LSAMP: variants seen among roughly 807,000 people sequenced by gnomAD.
LSAMP encodes the protein limbic system-associated membrane protein.
A neutral mutation model predicts 38.6 loss-of-function variants in LSAMP; 7 were observed. That is an observed-to-expected ratio of 0.18 (90% CI 0.10 to 0.34). The LOEUF is 0.34. Among genes scored for constraint, LSAMP ranks in the 10% least tolerant of loss-of-function variants. LSAMP has a pLI of 1.00. For missense variants in LSAMP, 313 were observed against 420.0 expected (o/e 0.75, Z 2.23); for synonymous variants, 154 against 166.8 (o/e 0.92, Z 0.59).
chr3:115,861,455 A>G (rs1205015046), intron 3 of LSAMP, among the ~76,000 whole-genome samples: 1 of 151,864 alleles, frequency 6.6e-6, no homozygotes, highest in African/African-American at 2.4e-5. Context: ...TGCCTGGGGA[A>G]TGATGTTGAG....
At chr3:115,836,861 C>A (rs1265527011) in intron 6 of LSAMP, among the ~76,000 whole-genome samples, 1 of 152,162 alleles carries the variant, frequency 6.6e-6, no homozygotes, top group African/African-American at 2.4e-5. Context: ...TGGCTCACTG[C>A]CTTCTGCCTC....
At chr3:116,060,382 A>T (rs1299343068) in intron 2 of LSAMP, among the ~76,000 whole-genome samples, 2 of 152,170 alleles carry the variant, frequency 1.3e-5, no homozygotes, top group Admixed American at 6.5e-5. Context: ...GTGCTAATGA[A>T]TAGGTAGTTT....
chr3:116,251,001 T>C (rs2046674338), intron 1 of LSAMP, among the ~76,000 whole-genome samples: 1 of 152,226 alleles, frequency 6.6e-6, no homozygotes, highest in South Asian at 2.1e-4. Context: ...TGGATGACCT[T>C]AGCTGGAATC....
chr3:116,429,877 T>C (rs552608603), intron 1 of LSAMP, among the ~76,000 whole-genome samples: 5 of 152,310 alleles, frequency 3.3e-5, no homozygotes, highest in African/African-American at 9.6e-5. Context: ...GGTAAAGATA[T>C]CATGGTTAAT....
chr3:116,188,814 C>T (rs982874912), intron 1 of LSAMP, among the ~76,000 whole-genome samples: 2 of 152,110 alleles, frequency 1.3e-5, no homozygotes, highest in East Asian at 3.9e-4. Context: ...TAACACAAAG[C>T]TCACATATAC....
intron 1 of LSAMP, among the ~76,000 whole-genome samples, chr3:116,389,008 G>C (rs1196830494): frequency 6.6e-6 from 1 of 152,192 alleles, no homozygotes; most frequent in African/African-American, 2.4e-5. Context: ...ATCTCCAGGA[G>C]AGCATTGCTA....
At chr3:116,266,571 T>C (rs950749650) in intron 1 of LSAMP, among the ~76,000 whole-genome samples, 2 of 152,034 alleles carry the variant, frequency 1.3e-5, no homozygotes, top group African/African-American at 4.8e-5. Context: ...GTAGGCCCAG[T>C]GATGGGAGAT....
intron 3 of LSAMP, among the ~76,000 whole-genome samples, chr3:115,913,320 CTACATTTGTAG>C (rs1393808388): frequency 2.0e-5 from 3 of 152,202 alleles, no homozygotes; most frequent in Admixed American, 6.5e-5. Flanking sequence ...TCATATTCCT[CTACATTTGTAG>C]TACAGTGTTT....
At chr3:116,230,478 G>T (rs568828180) in intron 1 of LSAMP, among the ~76,000 whole-genome samples, 2 of 152,194 alleles carry the variant, frequency 1.3e-5, no homozygotes, top group African/African-American at 2.4e-5. Flanking sequence ...TCGATTTCTT[G>T]GTTCCCATAT....
At chr3:115,984,368 T>C (rs1036384728) in intron 3 of LSAMP, among the ~76,000 whole-genome samples, 11 of 152,156 alleles carry the variant, frequency 7.2e-5, no homozygotes, top group East Asian at 1.9e-4. Context: ...ACTCAAGATA[T>C]AGGTCTAGGC....
At chr3:116,262,732 G>A (rs940771352) in intron 1 of LSAMP, among the ~76,000 whole-genome samples, 3 of 152,154 alleles carry the variant, frequency 2.0e-5, no homozygotes, top group South Asian at 2.1e-4. Context: ...TCTTGATAGA[G>A]GAGCAAGGAA....
At chr3:116,436,998 T>C (rs2049360162) in intron 1 of LSAMP, among the ~76,000 whole-genome samples, 1 of 150,074 alleles carries the variant, frequency 6.7e-6, no homozygotes, top group South Asian at 2.1e-4. Context: ...TATATGCATA[T>C]ATATATATGT....
chr3:116,064,865 G>T (rs772633192), intron 2 of LSAMP, among the ~76,000 whole-genome samples: 2 of 152,142 alleles, frequency 1.3e-5, no homozygotes, highest in Non-Finnish European at 2.9e-5. Flanking sequence ...TAATTCATAT[G>T]GTCTGACCTT....
intron 3 of LSAMP, among the ~76,000 whole-genome samples, chr3:116,016,893 C>T (rs888065980): frequency 5.9e-5 from 9 of 152,106 alleles, no homozygotes; most frequent in African/African-American, 1.9e-4. Context: ...AAATTTGATA[C>T]ATAGGCTGTG....
intron 1 of LSAMP, among the ~76,000 whole-genome samples, chr3:116,184,380 T>G (rs1710561467): frequency 6.6e-6 from 1 of 151,940 alleles, no homozygotes; most frequent in African/African-American, 2.4e-5. Flanking sequence ...CTCTACTATC[T>G]TTATTCTTAG....
chr3:116,039,270 C>T (rs533709020), intron 2 of LSAMP, among the ~76,000 whole-genome samples: 1 of 152,290 alleles, frequency 6.6e-6, no homozygotes, highest in South Asian at 2.1e-4. Context: ...GTTTCCCCCT[C>T]CTGTTTAGGT....
At chr3:116,213,840 G>A (rs1013068051) in intron 1 of LSAMP, among the ~76,000 whole-genome samples, 1 of 152,126 alleles carries the variant, frequency 6.6e-6, no homozygotes, top group Non-Finnish European at 1.5e-5. Context: ...CTTATATAAG[G>A]TATCTAAAAT....
At chr3:115,861,492 C>T (rs1297779809) in intron 3 of LSAMP, among the ~76,000 whole-genome samples, 1 of 148,172 alleles carries the variant, frequency 6.7e-6, no homozygotes, top group Non-Finnish European at 1.5e-5. Flanking sequence ...TGTCTGGGCT[C>T]AATGAGAGAG....
intron 2 of LSAMP, among the ~76,000 whole-genome samples, chr3:116,055,262 G>A (rs1308121022): frequency 3.9e-5 from 6 of 152,234 alleles, no homozygotes; most frequent in Middle Eastern, 3.4e-3. Context: ...ACTGACATGC[G>A]CTATTTGTCA....
Sources: gnomAD v4.1 joint callset for allele counts (sites outside exome capture counted in the v4.1 genomes callset) on GRCh38, gnomAD v4.1.1 for gene constraint, MANE v1.5 for transcripts, NCBI Gene and HGNC (gene_info 2026-07-23, HGNC 2026-07-21) for gene names.